CCNY: variants seen among roughly 807,000 people sequenced by gnomAD.
CCNY encodes the protein cyclin-Y.
Under a neutral mutation model 42.8 loss-of-function variants are expected in CCNY, and 19 were observed. The ratio of observed to expected loss-of-function variants is 0.44; its 90% CI spans 0.31 to 0.65. The LOEUF (loss-of-function observed/expected upper bound fraction) is 0.65, where lower values mean the gene tolerates loss of function less well. CCNY is among the 30% of genes least tolerant of loss of function. The probability of loss-of-function intolerance (pLI) is 0.07; values close to 1 mark genes in which losing one functional copy is unlikely to be tolerated. For missense variants in CCNY, 370 were observed against 437.3 expected (o/e 0.85, Z 1.37); for synonymous variants, 165 against 162.7 (o/e 1.01, Z -0.11).
chr10:35,559,918 G>A (rs1841432590), intron 8 of CCNY, among the ~76,000 whole-genome samples: 1 of 152,212 alleles, frequency 6.6e-6, no homozygotes, highest in Non-Finnish European at 1.5e-5. Context: ...GAGGACTTAA[G>A]TCTTCAATCC....
intron 1 of CCNY, among the ~76,000 whole-genome samples, chr10:35,443,285 A>T (rs559727911): frequency 6.6e-6 from 1 of 152,332 alleles, no homozygotes; most frequent in East Asian, 1.9e-4. Flanking sequence ...GCTTGCTGTA[A>T]CATTTTTACT....
Position 35,359,486 on chromosome 10 carries a change from CTTTA to C in CCNY, c.154+22286_154+22289del, listed in dbSNP as rs563142104. Reference sequence around the variant, plus strand: ...TAACATCAAATTTACCATTTTAACTCTTTATTTATTATTATTATTATTATTATTT... The same window carrying C: ...TAACATCAAATTTACCATTTTAACTCTTTATTATTATTATTATTATTATTT... On this transcript the variant is annotated intron_variant, in intron 1 of 9. Coordinates refer to ENST00000374704, the MANE Select transcript of CCNY (RefSeq NM_145012.6). 6.9e-3 allele frequency among the ~76,000 whole-genome samples: 1,026 copies of C among 147,706 alleles called. 10 individuals carry two copies. The highest frequency in any genetic ancestry group is 0.024 in the African/African-American group (980 of 40,596).
At chr10:35,263,284 G>T (rs917727445) in intron 3 of CCNY, among the ~76,000 whole-genome samples, 3 of 149,224 alleles carry the variant, frequency 2.0e-5, no homozygotes, top group Non-Finnish European at 4.4e-5. Flanking sequence ...GTGAACCCAG[G>T]AGGTGGAGCT....
intron 3 of CCNY, among the ~76,000 whole-genome samples, chr10:35,268,800 G>C (rs1465439079): frequency 2.6e-5 from 4 of 152,214 alleles, no homozygotes; most frequent in African/African-American, 9.6e-5. Context: ...CCATACCTGG[G>C]CCTGCTGGAG....
chr10:35,560,130 C>T (rs1451345111), intron 8 of CCNY, among the ~76,000 whole-genome samples: 1 of 152,142 alleles, frequency 6.6e-6, no homozygotes, highest in East Asian at 1.9e-4. Flanking sequence ...CAATCTTCAC[C>T]CATACCTGAT....
chr10:35,533,046 C>T (rs770308007), intron 7 of CCNY, among the ~76,000 whole-genome samples: 1 of 152,344 alleles, frequency 6.6e-6, no homozygotes, highest in South Asian at 2.1e-4. Flanking sequence ...CACCTTTGCG[C>T]ACTGCTGTGG....
intron 9 of CCNY, 128 bp from the exon 10 acceptor site, chr10:35,568,926 T>C (rs1019162147): frequency 2.2e-5 from 15 of 673,636 alleles, no homozygotes; most frequent in Non-Finnish European, 3.7e-5. Context: ...AGCTGGGCTC[T>C]GGGCCGGAGC....
intron 3 of CCNY, among the ~76,000 whole-genome samples, chr10:35,280,345 GGAA>G (rs1234927955): frequency 6.9e-6 from 1 of 145,874 alleles, no homozygotes; most frequent in Admixed American, 7.0e-5. Context: ...AAGGAAGAAA[GGAA>G]GAAGGAAAGA....
rs112600598 is a variant in CCNY, at chr10:35,473,213, G to A, written c.155-10191G>A. ...AATTTTGTGTAGGATAAACCAGGCC[G>A]TACATGTCTCTGTCCCTCCCGGAGG... is the stretch of plus-strand genomic sequence containing the variant. On this transcript the variant is annotated intron_variant, in intron 1 of 9. Coordinates refer to ENST00000374704, the MANE Select transcript of CCNY (RefSeq NM_145012.6). Among the ~76,000 whole-genome samples the A allele has an allele frequency of 9.9e-3, 1,501 of 152,272 alleles. 23 individuals carry two copies. Among genetic ancestry groups the A allele is most frequent in the African/African-American group, 0.034 (1,406 of 41,544 alleles).
intron 1 of CCNY, among the ~76,000 whole-genome samples, chr10:35,478,035 AC>A (rs1839559769): frequency 1.4e-5 from 2 of 147,476 alleles, no homozygotes; most frequent in Non-Finnish European, 3.0e-5. Context: ...ACTCCCATTC[AC>A]AATTGCTTCA....
At chr10:35,366,011 A>G (rs1196103330) in intron 1 of CCNY, among the ~76,000 whole-genome samples, 2 of 152,180 alleles carry the variant, frequency 1.3e-5, no homozygotes, top group Non-Finnish European at 1.5e-5. Context: ...AAAAATTGAG[A>G]GTTGTTGCTG....
intron 1 of CCNY, among the ~76,000 whole-genome samples, chr10:35,372,252 G>A (rs1836953207): frequency 6.6e-6 from 1 of 152,220 alleles, no homozygotes; most frequent in Admixed American, 6.5e-5. Context: ...ACAGCAAGGA[G>A]GAGTGGCTGC....
intron 1 of CCNY, among the ~76,000 whole-genome samples, chr10:35,442,043 GT>G (rs1838681429): frequency 6.6e-6 from 1 of 152,200 alleles, no homozygotes; most frequent in South Asian, 2.1e-4. Context: ...TAGATTCATT[GT>G]TGCATTTTAA....
At chr10:35,393,819 G>A (rs1268339208) in intron 1 of CCNY, among the ~76,000 whole-genome samples, 7 of 152,196 alleles carry the variant, frequency 4.6e-5, no homozygotes, top group East Asian at 3.9e-4. Context: ...ACGGTGGCAC[G>A]CACCTGTAGT....
In CCNY at chr10:35,569,259, T is replaced by G; in HGVS notation, c.*89T>G. The G allele has an allele frequency of 1.2e-6, 1 of 806,748 alleles. No homozygotes were observed. The highest frequency in any genetic ancestry group is 2.5e-5 in the East Asian group (1 of 39,764). 50.0% of individuals were successfully genotyped at this position (806,748 alleles called of 1,614,324 possible). On this transcript the variant is annotated 3_prime_UTR_variant, in exon 10 of 10. Coordinates refer to ENST00000374704, the MANE Select transcript of CCNY (RefSeq NM_145012.6). Reference sequence around the variant, plus strand: ...ACTTGGGGTGGGTTTGTTTTTGTTTTTTCTTTCCTTTTCTTTTTTTACGCA... The same window carrying G: ...ACTTGGGGTGGGTTTGTTTTTGTTTGTTCTTTCCTTTTCTTTTTTTACGCA...
intron 3 of CCNY, among the ~76,000 whole-genome samples, chr10:35,320,086 AACAC>A (rs1461100019): frequency 6.6e-6 from 1 of 152,166 alleles, no homozygotes; most frequent in Non-Finnish European, 1.5e-5. Context: ...AATAATAACA[AACAC>A]ACACAAACTC....
At chr10:35,302,091 T>TAGC (rs1218061436) in intron 3 of CCNY, among the ~76,000 whole-genome samples, 1 of 149,202 alleles carries the variant, frequency 6.7e-6, no homozygotes, top group Non-Finnish European at 1.5e-5. Flanking sequence ...GCCTCTTGAG[T>TAGC]AGCTGGGACT....
chr10:35,472,366 A>C (rs1188510600), intron 1 of CCNY, among the ~76,000 whole-genome samples: 1 of 152,226 alleles, frequency 6.6e-6, no homozygotes, highest in Non-Finnish European at 1.5e-5. Context: ...TGGGGAATGA[A>C]TGATTCCGAG....
intron 1 of CCNY, among the ~76,000 whole-genome samples, chr10:35,443,779 T>C (rs1346172805): frequency 6.6e-6 from 1 of 152,248 alleles, no homozygotes; most frequent in East Asian, 1.9e-4. Flanking sequence ...CATTAGGTCA[T>C]AGCCTGTTCC....
Sources: allele counts gnomAD v4.1 joint callset (sites outside exome capture counted in the v4.1 genomes callset), GRCh38; gene constraint gnomAD v4.1.1; transcripts MANE v1.5; gene names NCBI Gene and HGNC (gene_info 2026-07-23, HGNC 2026-07-21).